Variants in SGCD observed in about 807,000 individuals in gnomAD.
SGCD encodes the protein delta-sarcoglycan.
In SGCD, 18 loss-of-function variants were observed where a neutral mutation model predicts 36.6. That is an observed-to-expected ratio of 0.49 (90% CI 0.34 to 0.73). SGCD has a LOEUF of 0.73. SGCD is among the 30% of genes least tolerant of loss of function. SGCD has a pLI of 0.01. For missense variants in SGCD, 387 were observed against 346.7 expected, an observed-to-expected ratio of 1.12 and a Z score of -0.92; for synonymous variants, 133 against 130.6, an observed-to-expected ratio of 1.02 and a Z score of -0.12.
At chr5:155,802,223 C>T in the SGCD span, among the ~76,000 whole-genome samples, 8 of 152,126 alleles carry the variant, frequency 5.3e-5, no homozygotes, top group Non-Finnish European at 1.0e-4. Context: ...CAGCCATATC[C>T]AAAAAGAAGA....
chr5:156,098,822 G>T (rs1433531902), intron 1 of SGCD, among the ~76,000 whole-genome samples: 1 of 152,276 alleles, frequency 6.6e-6, no homozygotes, highest in East Asian at 1.9e-4. Context: ...TCTGGTTCAG[G>T]CTGCTTACTG....
intron 3 of SGCD, among the ~76,000 whole-genome samples, chr5:156,487,308 C>CAA (rs751607074): frequency 2.0e-5 from 3 of 152,046 alleles, no homozygotes; most frequent in Non-Finnish European, 4.4e-5. Context: ...GAATCAAAGC[C>CAA]AAAGCATCCT....
intron 4 of SGCD, among the ~76,000 whole-genome samples, chr5:156,580,547 A>G (rs1165478293): frequency 2.0e-5 from 3 of 152,200 alleles, no homozygotes; most frequent in African/African-American, 7.2e-5. Flanking sequence ...AATGAAACGT[A>G]GATTTGGTCT....
chr5:156,584,226 C>T (rs1760399707), intron 4 of SGCD, among the ~76,000 whole-genome samples: 2 of 152,176 alleles, frequency 1.3e-5, no homozygotes, highest in South Asian at 2.1e-4. Flanking sequence ...ATACACTTGT[C>T]TATGTTTTTG....
chr5:156,752,096 G>A (rs1365219541), intron 7 of SGCD, among the ~76,000 whole-genome samples: 2 of 152,188 alleles, frequency 1.3e-5, no homozygotes, highest in Non-Finnish European at 2.9e-5. Context: ...ATAAATTACA[G>A]CTATGTGCTG....
chr5:156,042,014 C>G (rs1251156319), intron 1 of SGCD, among the ~76,000 whole-genome samples: 2 of 152,088 alleles, frequency 1.3e-5, no homozygotes, highest in African/African-American at 4.8e-5. Context: ...AGTGACCAGG[C>G]TGGCACATGT....
chr5:156,602,698 T>A (rs1000566928), intron 6 of SGCD, among the ~76,000 whole-genome samples: 3 of 152,182 alleles, frequency 2.0e-5, no homozygotes, highest in African/African-American at 7.2e-5. Flanking sequence ...ATTAAAATGA[T>A]CATATGGTTT....
chr5:156,629,171 C>T (rs1762539327), intron 6 of SGCD, among the ~76,000 whole-genome samples: 1 of 152,072 alleles, frequency 6.6e-6, no homozygotes, highest in Admixed American at 6.5e-5. Flanking sequence ...AATCATTGTT[C>T]TTGTTAGAAT....
intron 1 of SGCD, among the ~76,000 whole-genome samples, chr5:156,053,142 C>A (rs929410319): frequency 1.4e-5 from 2 of 146,624 alleles, no homozygotes; most frequent in African/African-American, 4.9e-5. Context: ...TATGGCACTG[C>A]CAGTTGGGGC....
At position 156,132,715 on chromosome 5, in the gene SGCD, G is replaced by A. The variant is rs997875975; in HGVS notation, c.-44+8696G>A. Among the ~76,000 whole-genome samples, 11 of 151,862 alleles carry A rather than the reference G, an allele frequency of 7.2e-5. 1 individual carries two copies. The highest frequency in any genetic ancestry group is 1.9e-4 in the East Asian group (1 of 5,154). On this transcript the variant is annotated intron_variant, in intron 3 of 9. Transcript: ENST00000517913. ...GATCTCCTGACCTCGTGATCCGCCC[G>A]CCTCGGCCTCCCAAAGTGCGGGGAT...
chr5:155,745,088 G>T, the SGCD span, among the ~76,000 whole-genome samples: 1 of 152,136 alleles, frequency 6.6e-6, no homozygotes, highest in Non-Finnish European at 1.5e-5. Context: ...TGTCTTCAAA[G>T]CCCTGAGACA....
the SGCD span, among the ~76,000 whole-genome samples, chr5:155,795,676 AT>A: frequency 1.3e-5 from 2 of 152,182 alleles, no homozygotes; most frequent in African/African-American, 4.8e-5. Flanking sequence ...AAAATGTATC[AT>A]TTCCAATTAA....
chr5:156,695,116 G>A (rs980473907), intron 7 of SGCD, among the ~76,000 whole-genome samples: 1 of 103,308 alleles, frequency 9.7e-6, no homozygotes, highest in African/African-American at 3.3e-5. Flanking sequence ...CTGTGTTTGT[G>A]TGTGTGTGTG....
intron 4 of SGCD, among the ~76,000 whole-genome samples, chr5:156,552,236 G>A (rs749828240): frequency 1.1e-4 from 16 of 152,174 alleles, no homozygotes; most frequent in Non-Finnish European, 2.1e-4. Flanking sequence ...CAAGGTGAGA[G>A]CCTATAAGGC....
chr5:156,712,929 G>A (rs1251309499), intron 7 of SGCD, among the ~76,000 whole-genome samples: 1 of 152,138 alleles, frequency 6.6e-6, no homozygotes, highest in Non-Finnish European at 1.5e-5. Context: ...TTGAATGTAA[G>A]CTTCATGAGA....
intron 3 of SGCD, among the ~76,000 whole-genome samples, chr5:156,158,423 A>T (rs889549638): frequency 2.0e-5 from 3 of 151,646 alleles, no homozygotes; most frequent in African/African-American, 7.3e-5. Context: ...ATGTGGGAAG[A>T]GTTTAAAGCA....
upstream of SGCD, among the ~76,000 whole-genome samples, chr5:155,870,045 A>C (rs896650846): frequency 3.3e-5 from 5 of 152,200 alleles, no homozygotes; most frequent in African/African-American, 9.6e-5. Flanking sequence ...ACCGTCTTGC[A>C]TGATGAGTGA....
chr5:156,688,126 G>C (rs73302817), intron 7 of SGCD, among the ~76,000 whole-genome samples: 1 of 151,958 alleles, frequency 6.6e-6, no homozygotes, highest in African/African-American at 2.4e-5. Flanking sequence ...AACTCGTGTC[G>C]CGGGGGTTTG....
intron 1 of SGCD, among the ~76,000 whole-genome samples, chr5:155,884,481 G>C (rs149920595): frequency 3.7e-4 from 57 of 152,230 alleles, no homozygotes; most frequent in African/African-American, 1.3e-3. Flanking sequence ...TTCACTTAAC[G>C]ACTTTGCTGA....
Sources: allele counts gnomAD v4.1 joint callset (sites outside exome capture counted in the v4.1 genomes callset), GRCh38; gene constraint gnomAD v4.1.1; transcripts MANE v1.5; gene names NCBI Gene and HGNC (gene_info 2026-07-23, HGNC 2026-07-21).